The following NDUFV2 variants were observed in gnomAD, a reference collection of about 807,000 sequenced individuals.
NDUFV2 encodes the protein NADH:ubiquinone oxidoreductase core subunit V2, also known as NADH dehydrogenase [ubiquinone] flavoprotein 2, mitochondrial.
In NDUFV2, 18 loss-of-function variants were observed where a neutral mutation model predicts 31.6. That is an observed-to-expected ratio of 0.57 (90% CI 0.39 to 0.84). The LOEUF (loss-of-function observed/expected upper bound fraction) is 0.84, where lower values mean the gene tolerates loss of function less well. Among genes scored for constraint, NDUFV2 ranks in the 40% least tolerant of loss-of-function variants. The pLI is 0.00. For synonymous variants in NDUFV2, 83 were observed against 99.8 expected, an observed-to-expected ratio of 0.83 and a Z score of 1.01; for missense variants, 314 against 303.6, an observed-to-expected ratio of 1.03 and a Z score of -0.26.
At chr18:9,126,148 A>ATAG (rs2077988667) in intron 6 of NDUFV2, among the ~76,000 whole-genome samples, 1 of 152,248 alleles carries the variant, frequency 6.6e-6, no homozygotes, top group Non-Finnish European at 1.5e-5. Flanking sequence ...AAGTCTAAAT[A>ATAG]TAGTAGCCTG....
At chr18:9,124,032 A>C (rs1324010794) in intron 5 of NDUFV2, among the ~76,000 whole-genome samples, 1 of 152,176 alleles carries the variant, frequency 6.6e-6, no homozygotes, top group Non-Finnish European at 1.5e-5. Context: ...CTGTGATTTT[A>C]GTAGTTTAAT....
chr18:9,111,419 A>T (rs2077869221), intron 1 of NDUFV2, among the ~76,000 whole-genome samples: 1 of 152,140 alleles, frequency 6.6e-6, no homozygotes, highest in African/African-American at 2.4e-5. Flanking sequence ...AGCACTTTAC[A>T]TGAAGTACAT....
intron 1 of NDUFV2, among the ~76,000 whole-genome samples, chr18:9,110,056 T>C (rs2077862228): frequency 6.6e-6 from 1 of 152,124 alleles, no homozygotes; most frequent in African/African-American, 2.4e-5. Flanking sequence ...TGGAATTTCT[T>C]GAGGTATAGA....
At chr18:9,103,138 G>A (rs535204610) in intron 1 of NDUFV2, 5 of 400,982 alleles carry the variant, frequency 1.2e-5, no homozygotes, top group Non-Finnish European at 2.2e-5. Flanking sequence ...GAAGACCGTC[G>A]CTCCGAAGGA....
intron 7 of NDUFV2, among the ~76,000 whole-genome samples, chr18:9,128,939 C>G (rs561291243): frequency 3.9e-5 from 6 of 152,076 alleles, no homozygotes; most frequent in East Asian, 3.9e-4. Context: ...TCCTCCCCCC[C>G]ACTCCTCCCC....
At position 9,114,122 on chromosome 18, in the gene NDUFV2, T is replaced by C. The variant is rs139327959; in HGVS notation, c.55-3716T>C. On this transcript the variant is annotated intron_variant, in intron 1 of 7. Coordinates refer to ENST00000318388, the MANE Select transcript of NDUFV2 (RefSeq NM_021074.5). ...TTAAACAAAAGCTGTTCAGTGCTGC[T>C]GCTCACCAAATGCACAAACCTAAGA... Among the ~76,000 whole-genome samples the C allele has an allele frequency of 4.4e-3, 668 of 152,348 alleles. 3 individuals carry two copies. In the Middle Eastern group the frequency reaches 0.058, roughly 13 times the overall value.
In NDUFV2 at chr18:9,117,889, G is replaced by C; in HGVS notation, c.106G>C (p.Gly36Arg). The C allele has an allele frequency of 6.3e-7, 1 of 1,596,078 alleles. No homozygotes were observed. The change falls in exon 2 of 8, where the codon GGA (glycine) becomes CGA (arginine). Residue 36 changes from glycine to arginine, a missense_variant. Coordinates refer to ENST00000318388, the MANE Select transcript of NDUFV2 (RefSeq NM_021074.5). ...GACAGTTATGCAAAATGGAGCTGGAGGAGCTTTATTTGTGGTAAGTAATTA... is the reference window on the plus strand; with the variant it reads ...GACAGTTATGCAAAATGGAGCTGGACGAGCTTTATTTGTGGTAAGTAATTA... ...HKTVMQNGAG[G>R]ALFVHRDTPE...
chr18:9,131,982 T>C (rs570160576), intron 7 of NDUFV2, among the ~76,000 whole-genome samples: 11 of 152,140 alleles, frequency 7.2e-5, no homozygotes, highest in East Asian at 5.8e-4. Flanking sequence ...AACAAAATTA[T>C]AGGCTTTATT....
intron 1 of NDUFV2, among the ~76,000 whole-genome samples, chr18:9,109,642 G>A (rs893735232): frequency 3.9e-5 from 6 of 152,188 alleles, no homozygotes; most frequent in African/African-American, 1.4e-4. Flanking sequence ...AGAGCACAGG[G>A]CCCTTAGATT....
At position 9,124,986 on chromosome 18, in the gene NDUFV2, G is replaced by T; in HGVS notation, c.579+3G>T. The stretch of plus-strand genomic sequence containing the variant: ...TTCAAATAAATGACAATTACTATGT[G>T]AGTATTTCAGGTAATACAAGTTAAA... On this transcript the variant is annotated splice_donor_region_variant and intron_variant, in intron 6 of 7. Transcript: ENST00000318388. The T allele has an allele frequency of 1.2e-6, 2 of 1,612,786 alleles. No homozygotes were observed. The highest frequency in any genetic ancestry group is 1.7e-4 in the Middle Eastern group (1 of 6,056).
chr18:9,118,418 T>G (rs1244150480), intron 2 of NDUFV2, among the ~76,000 whole-genome samples: 1 of 152,162 alleles, frequency 6.6e-6, no homozygotes, highest in African/African-American at 2.4e-5. Context: ...AGGTGCTGTT[T>G]TCAGGGATTA....
intron 1 of NDUFV2, chr18:9,115,713 C>T (rs903420739): frequency 2.6e-5 from 4 of 152,068 alleles, no homozygotes; most frequent in African/African-American, 9.7e-5. Context: ...AAAAAATTAT[C>T]CAGACGTAGT....
chr18:9,104,956 AT>A, intron 1 of NDUFV2: 1 of 1,554,782 alleles, frequency 6.4e-7, no homozygotes, highest in Non-Finnish European at 8.8e-7. Flanking sequence ...CTTACAGACA[AT>A]TTGTTTCTAC....
At chr18:9,104,120 G>T (rs2077828942) in intron 1 of NDUFV2, 1 of 1,610,824 alleles carries the variant, frequency 6.2e-7, no homozygotes, top group African/African-American at 1.3e-5. Flanking sequence ...AATACTAACA[G>T]ATTGGGCATG....
At chr18:9,126,422 C>T (rs921283485) in intron 6 of NDUFV2, among the ~76,000 whole-genome samples, 15 of 152,164 alleles carry the variant, frequency 9.9e-5, no homozygotes, top group African/African-American at 3.6e-4. Context: ...AGATTACTAG[C>T]TAGTAAGTGA....
intron 4 of NDUFV2, among the ~76,000 whole-genome samples, chr18:9,120,653 T>C (rs1425746918): frequency 8.1e-6 from 1 of 123,984 alleles, no homozygotes; most frequent in Non-Finnish European, 1.7e-5. Flanking sequence ...TTATTTGCAT[T>C]GTATAGTACT....
chr18:9,122,382 T>G (rs551448216), intron 4 of NDUFV2, 131 bp from the exon 5 acceptor site: 1 of 792,774 alleles, frequency 1.3e-6, no homozygotes, highest in South Asian at 1.7e-5. Flanking sequence ...ACAAGTATGT[T>G]TTCTGCTCTT....
chr18:9,122,210 TACTTAA>T, intron 4 of NDUFV2, among the ~76,000 whole-genome samples: 1 of 152,294 alleles, frequency 6.6e-6, no homozygotes, highest in African/African-American at 2.4e-5. Context: ...AATAGTGAAA[TACTTAA>T]AGATTTAGAG....
chr18:9,118,818 T>G lies in NDUFV2; in HGVS notation c.121-508T>G, dbSNP rs1435053935. On this transcript the variant is annotated intron_variant, in intron 2 of 7. Coordinates refer to ENST00000318388, the MANE Select transcript of NDUFV2 (RefSeq NM_021074.5). Reference sequence around the variant, plus strand: ...AACGTGGGAAAGAGATGGTGCTGTTTTTTTTTTTTTTTTTTTTTTTTTAAG... The same window carrying G: ...AACGTGGGAAAGAGATGGTGCTGTTGTTTTTTTTTTTTTTTTTTTTTTAAG... Among the ~76,000 whole-genome samples, 4 of 146,274 alleles carry G rather than the reference T, an allele frequency of 2.7e-5. No homozygotes were observed. In the East Asian group the frequency reaches 7.9e-4, roughly 29 times the overall value.
Sources: allele counts gnomAD v4.1 joint callset (sites outside exome capture counted in the v4.1 genomes callset), GRCh38; gene constraint gnomAD v4.1.1; transcripts MANE v1.5; gene names NCBI Gene and HGNC (gene_info 2026-07-23, HGNC 2026-07-21).